The following SEMA3E variants were observed in gnomAD, a reference collection of about 807,000 sequenced individuals.
The protein encoded by SEMA3E is semaphorin 3E.
Under a neutral mutation model 93.6 loss-of-function variants are expected in SEMA3E, and 49 were observed. The ratio of observed to expected loss-of-function variants is 0.52; its 90% CI spans 0.42 to 0.66. The LOEUF is 0.66. Among genes scored for constraint, SEMA3E ranks in the 30% least tolerant of loss-of-function variants. The pLI is 0.00. For missense variants in SEMA3E, 906 were observed against 964.8 expected (o/e 0.94, Z 0.81); for synonymous variants, 363 against 330.7 (o/e 1.10, Z -1.06).
intron 1 of SEMA3E, among the ~76,000 whole-genome samples, chr7:83,518,039 C>G (rs976627851): frequency 6.6e-6 from 1 of 152,078 alleles, no homozygotes; most frequent in African/African-American, 2.4e-5. Flanking sequence ...GTAAACATGT[C>G]TGTGTGTGGA....
chr7:83,442,902 A>G (rs552274013), intron 4 of SEMA3E, among the ~76,000 whole-genome samples: 125 of 152,264 alleles, frequency 8.2e-4, no homozygotes, highest in Non-Finnish European at 1.6e-3. Context: ...CTAATAAAAC[A>G]TCCTTGGAAT....
intron 1 of SEMA3E, among the ~76,000 whole-genome samples, chr7:83,573,878 A>AT (rs1267482556): frequency 2.6e-5 from 4 of 151,834 alleles, no homozygotes; most frequent in Non-Finnish European, 2.9e-5. Context: ...TTTCTTTAGC[A>AT]TTTTATATAA....
chr7:83,511,043 T>A (rs1226843866), intron 1 of SEMA3E, among the ~76,000 whole-genome samples: 1 of 152,154 alleles, frequency 6.6e-6, no homozygotes. Context: ...CTTAAAAAAA[T>A]AAGTCTGTGT....
chr7:83,454,239 C>CA (rs781380127), intron 4 of SEMA3E, among the ~76,000 whole-genome samples: 219 of 98,168 alleles, frequency 2.2e-3, no homozygotes, highest in Non-Finnish European at 3.4e-3. Context: ...GCGTGGGCGA[C>CA]AGAGCAAGAC....
rs1253919744 is a variant in SEMA3E at position 83,648,799 on chromosome 7, T to G, written c.-257A>C. 3 of 497,014 alleles carry G rather than the reference T, an allele frequency of 6.0e-6. No homozygotes were observed. The highest frequency in any genetic ancestry group is 1.1e-5 in the Non-Finnish European group (3 of 275,448). The allele number at this position is 497,014 out of a possible 1,614,324, so 30.8% of individuals were successfully genotyped here. A position where few individuals can be genotyped will look rare whatever the true frequency, so the allele number is the denominator to read the frequency against. ...AGTGAGTCTTCAGAGCCATGTCCTG[T>G]CTAGAGCGCTCTTCAGCAACTACGC... is the stretch of plus-strand genomic sequence containing the variant. On this transcript the variant is annotated 5_prime_UTR_variant, in exon 1 of 17. Coordinates refer to ENST00000643230, the MANE Select transcript of SEMA3E (RefSeq NM_012431.3).
At chr7:83,457,205 G>A (rs2723026) in intron 4 of SEMA3E, among the ~76,000 whole-genome samples, 78,328 of 151,674 alleles carry the variant, frequency 0.52, 22,826 homozygotes, top group East Asian at 0.88. Context: ...AAAGAAAAGT[G>A]AGAGCAGAAT....
At chr7:83,461,360 T>C (rs61052369) in intron 4 of SEMA3E, among the ~76,000 whole-genome samples, 20,724 of 152,096 alleles carry the variant, frequency 0.14, 1,449 homozygotes, top group African/African-American at 0.14. Context: ...CTCGCCAGGC[T>C]GAGCTAGGTC....
In SEMA3E at chr7:83,389,369, A is replaced by G. The variant is rs1787946208; in HGVS notation, c.1668-2319T>C. Among the ~76,000 whole-genome samples, 2 of 124,776 alleles carry G rather than the reference A, an allele frequency of 1.6e-5. 1 individual carries two copies. The highest frequency in any genetic ancestry group is 3.8e-5 in the Non-Finnish European group (2 of 52,456). The allele number at this position is 124,776 out of a possible 152,430, so 81.9% of individuals were successfully genotyped here. A position where few individuals can be genotyped will look rare whatever the true frequency, so the allele number is the denominator to read the frequency against. On this transcript the variant is annotated intron_variant, in intron 14 of 16. Coordinates refer to ENST00000643230, the MANE Select transcript of SEMA3E (RefSeq NM_012431.3). ...GAGAAATGGCTTCCACTTGGCCGAG[A>G]TGGTGTTGTATAAAGATTATTATAC...
chr7:83,593,308 G>A (rs879597348), intron 1 of SEMA3E, among the ~76,000 whole-genome samples: 1 of 134,114 alleles, frequency 7.5e-6, no homozygotes, highest in Admixed American at 7.3e-5. Flanking sequence ...GTGTGTGTGT[G>A]TGTGTGTGTG....
At chr7:83,437,306 C>T (rs916232543) in intron 4 of SEMA3E, among the ~76,000 whole-genome samples, 6 of 151,960 alleles carry the variant, frequency 3.9e-5, no homozygotes, top group Admixed American at 2.6e-4. Context: ...TCAGATTGAT[C>T]AACAATCTAA....
chr7:83,620,217 T>C (rs1188996074), intron 1 of SEMA3E, among the ~76,000 whole-genome samples: 1 of 151,948 alleles, frequency 6.6e-6, no homozygotes, highest in Non-Finnish European at 1.5e-5. Flanking sequence ...AAGGAACACA[T>C]AATTTTGTGA....
intron 4 of SEMA3E, among the ~76,000 whole-genome samples, chr7:83,444,824 C>A (rs1789191673): frequency 6.6e-6 from 1 of 152,052 alleles, no homozygotes; most frequent in South Asian, 2.1e-4. Context: ...GCACACATCA[C>A]CACTCCTGGC....
chr7:83,543,037 T>A (rs1206455913), intron 1 of SEMA3E, among the ~76,000 whole-genome samples: 2 of 152,104 alleles, frequency 1.3e-5, no homozygotes, highest in East Asian at 3.9e-4. Flanking sequence ...GGAAGTTACT[T>A]ACTATGTTAA....
intron 1 of SEMA3E, among the ~76,000 whole-genome samples, chr7:83,569,121 C>A (rs1562836388): frequency 6.9e-6 from 1 of 145,128 alleles, no homozygotes; most frequent in African/African-American, 2.6e-5. Flanking sequence ...ATCAAGAAGG[C>A]AATCCAATTT....
chr7:83,515,375 T>C (rs546749438), intron 1 of SEMA3E, among the ~76,000 whole-genome samples: 1 of 152,268 alleles, frequency 6.6e-6, no homozygotes, highest in Admixed American at 6.5e-5. Context: ...TTGTTCTCCT[T>C]TGTTTTAAAG....
At chr7:83,416,249 C>G (rs1486132564) in intron 5 of SEMA3E, among the ~76,000 whole-genome samples, 1 of 151,950 alleles carries the variant, frequency 6.6e-6, no homozygotes, top group African/African-American at 2.4e-5. Context: ...TTGTGTTTAG[C>G]TTGGAGGGCT....
chr7:83,538,237 AG>A (rs1791445482), intron 1 of SEMA3E, among the ~76,000 whole-genome samples: 1 of 152,120 alleles, frequency 6.6e-6, no homozygotes, highest in Admixed American at 6.6e-5. Context: ...TCTGGGTCAT[AG>A]GGCAACTAAT....
At chr7:83,637,034 G>A (rs1038447158) in intron 1 of SEMA3E, among the ~76,000 whole-genome samples, 1 of 149,618 alleles carries the variant, frequency 6.7e-6, no homozygotes, top group Non-Finnish European at 1.5e-5. Context: ...GTGTGTGTGT[G>A]TGTGTATGTG....
chr7:83,498,659 A>G (rs1312337677), intron 1 of SEMA3E, among the ~76,000 whole-genome samples: 1 of 152,060 alleles, frequency 6.6e-6, no homozygotes, highest in Non-Finnish European at 1.5e-5. Context: ...TGTATTTTTT[A>G]GTAGAGACGG....
Sources: gnomAD v4.1 joint callset for allele counts (sites outside exome capture counted in the v4.1 genomes callset) on GRCh38, gnomAD v4.1.1 for gene constraint, MANE v1.5 for transcripts, NCBI Gene and HGNC (gene_info 2026-07-23, HGNC 2026-07-21) for gene names.